The following VGLL3 variants were observed in gnomAD, a reference collection of about 807,000 sequenced individuals.
VGLL3 encodes transcription cofactor vestigial-like protein 3.
A neutral mutation model predicts 29.2 loss-of-function variants in VGLL3; 18 were observed. That is an observed-to-expected ratio of 0.62 (90% CI 0.43 to 0.91). VGLL3 has a LOEUF of 0.91. VGLL3 is among the 40% of genes least tolerant of loss of function. The probability of loss-of-function intolerance (pLI) is 0.00; values close to 1 mark genes in which losing one functional copy is unlikely to be tolerated. For missense variants in VGLL3, 440 were observed against 413.2 expected (o/e 1.06, Z -0.56); for synonymous variants, 180 against 151.8 (o/e 1.19, Z -1.36).
Position 86,938,065 on chromosome 3 carries a change from C to A in VGLL3, c.*8959G>T, listed in dbSNP as rs1045816216. On this transcript the variant is annotated 3_prime_UTR_variant, in exon 4 of 4. Transcript: ENST00000398399. ...TGTCACCCATTGATCCTTGATTAGT[C>A]CTGAAGTTATCAAAGTATGATTTTT... 6.6e-6 allele frequency: 1 copy of A among 152,118 alleles called. No homozygotes were observed. Among genetic ancestry groups the A allele is most frequent in the Non-Finnish European group, 1.5e-5 (1 of 68,020 alleles). The allele number at this position is 152,118 out of a possible 1,614,324, so 9.4% of individuals were successfully genotyped here.
intron 3 of VGLL3, among the ~76,000 whole-genome samples, chr3:86,966,272 T>C (rs1004077946): frequency 6.6e-6 from 1 of 152,104 alleles, no homozygotes; most frequent in Non-Finnish European, 1.5e-5. Context: ...TTCTCTGAAC[T>C]CTAGATTTTC....
intron 1 of VGLL3, 170 bp downstream of exon 1, chr3:86,990,448 T>C: frequency 1.0e-6 from 1 of 978,012 alleles, no homozygotes; most frequent in Non-Finnish European, 1.2e-6. Flanking sequence ...TCCACCCTGC[T>C]GCTCTCCCTT....
At chr3:86,953,291 C>T (rs1704650732) in intron 3 of VGLL3, among the ~76,000 whole-genome samples, 1 of 152,090 alleles carries the variant, frequency 6.6e-6, no homozygotes, top group Non-Finnish European at 1.5e-5. Context: ...GCAGTATTAT[C>T]TTGGAAAACC....
chr3:86,975,059 A>G (rs1007983271), intron 2 of VGLL3, among the ~76,000 whole-genome samples: 3 of 152,204 alleles, frequency 2.0e-5, no homozygotes, highest in Non-Finnish European at 4.4e-5. Context: ...CAATAACTCT[A>G]TGAGATGGGT....
chr3:86,950,490 G>A (rs1298952957), intron 3 of VGLL3, among the ~76,000 whole-genome samples: 1 of 152,130 alleles, frequency 6.6e-6, no homozygotes, highest in African/African-American at 2.4e-5. Context: ...CAATATACGT[G>A]TTCACATTAT....
At chr3:86,969,178 G>T in intron 2 of VGLL3, 55 bp from the exon 3 acceptor site, 1 of 1,509,490 alleles carries the variant, frequency 6.6e-7, no homozygotes, top group Non-Finnish European at 8.8e-7. Context: ...TTTTGGGATA[G>T]ACTTGCCTCT....
chr3:86,965,963 T>A (rs1007971451), intron 3 of VGLL3, among the ~76,000 whole-genome samples: 1 of 152,092 alleles, frequency 6.6e-6, no homozygotes. Context: ...CCTAGAAAAA[T>A]TGACGTACAA....
Position 86,940,932 on chromosome 3 carries a change from T to G in VGLL3, c.*6092A>C, listed in dbSNP as rs550905939. 1 of 152,452 alleles carries G rather than the reference T, an allele frequency of 6.6e-6. No homozygotes were observed. Among genetic ancestry groups the G allele is most frequent in the Non-Finnish European group, 1.5e-5 (1 of 67,928 alleles). 9.4% of individuals were successfully genotyped at this position (152,452 alleles called of 1,614,324 possible). ...ACAAAATTAAGGTAGCACAACTTCT[T>G]GTAGAACTAACAAGTCTGAAAGTTC... is the stretch of plus-strand genomic sequence containing the variant. On this transcript the variant is annotated 3_prime_UTR_variant, in exon 4 of 4. Transcript: ENST00000398399.
rs949850593 is a variant in VGLL3, at chr3:86,938,329, A to G, written c.*8695T>C. On this transcript the variant is annotated 3_prime_UTR_variant, in exon 4 of 4. Transcript: ENST00000398399. Reference sequence around the variant, plus strand: ...TTTCATGTAGCCATTTTCTTTTGGAAACATAAAATACCACAAAACCATACA... The same window carrying G: ...TTTCATGTAGCCATTTTCTTTTGGAGACATAAAATACCACAAAACCATACA... The G allele has an allele frequency of 6.6e-6, 1 of 152,538 alleles. No homozygotes were observed. Among genetic ancestry groups the G allele is most frequent in the Non-Finnish European group, 1.5e-5 (1 of 68,028 alleles). The allele number at this position is 152,538 out of a possible 1,614,324, so 9.4% of individuals were successfully genotyped here. A position where few individuals can be genotyped will look rare whatever the true frequency, so the allele number is the denominator to read the frequency against.
In VGLL3 at chr3:86,938,954, A is replaced by G. The variant is rs1704333736; in HGVS notation, c.*8070T>C. ...TTAAATCCTACTTGGTTGTCCCCAG[A>G]GAAAACACACTTCAGCTAGGAAGAA... On this transcript the variant is annotated 3_prime_UTR_variant, in exon 4 of 4. Coordinates refer to ENST00000398399, the MANE Select transcript of VGLL3 (RefSeq NM_016206.4). 6.6e-6 allele frequency: 1 copy of G among 152,234 alleles called. No homozygotes were observed. Among genetic ancestry groups the G allele is most frequent in the South Asian group, 2.1e-4 (1 of 4,830 alleles). The allele number at this position is 152,234 out of a possible 1,614,324, so 9.4% of individuals were successfully genotyped here. A position where few individuals can be genotyped will look rare whatever the true frequency, so the allele number is the denominator to read the frequency against.
intron 1 of VGLL3, among the ~76,000 whole-genome samples, chr3:86,980,766 A>T (rs1302213341): frequency 6.6e-6 from 1 of 152,048 alleles, no homozygotes. Context: ...ATTTACCTAA[A>T]ACATGTATTG....
Position 86,968,699 on chromosome 3 carries a change from C to T in VGLL3, c.828G>A (p.Gln276=). 6.2e-7 allele frequency: 1 copy of T among 1,614,168 alleles called. No homozygotes were observed. The change falls in exon 3 of 4, where the codon CAG becomes CAA. Residue 276 remains glutamine, a synonymous_variant. Coordinates refer to ENST00000398399, the MANE Select transcript of VGLL3 (RefSeq NM_016206.4). ...SVHAARIPAP[Q]CDITKTEPTT... ...TTGGTTCTGTCTTTGTGATGTCACA[C>T]TGGGGAGCAGGAATCCTGGCCGCAT...
intron 3 of VGLL3, among the ~76,000 whole-genome samples, chr3:86,960,864 A>T (rs1344207254): frequency 6.6e-6 from 1 of 151,248 alleles, no homozygotes. Context: ...ACATCAACAT[A>T]TGTTTACTCC....
At chr3:86,988,508 ACT>A (rs1191792588) in intron 1 of VGLL3, among the ~76,000 whole-genome samples, 1 of 151,112 alleles carries the variant, frequency 6.6e-6, no homozygotes, top group African/African-American at 2.4e-5. Flanking sequence ...TTCCTGATTT[ACT>A]CTCTTTTCCA....
intron 3 of VGLL3, among the ~76,000 whole-genome samples, chr3:86,961,584 T>C (rs1704844692): frequency 6.6e-6 from 1 of 152,152 alleles, no homozygotes. Context: ...TTGTACACGA[T>C]CACAAATATT....
intron 1 of VGLL3, among the ~76,000 whole-genome samples, chr3:86,988,315 A>G (rs1472998897): frequency 6.6e-6 from 1 of 152,030 alleles, no homozygotes; most frequent in Admixed American, 6.6e-5. Context: ...GCAAGATGCT[A>G]TTAGGGGTCA....
At position 86,968,626 on chromosome 3, in the gene VGLL3, T is replaced by C. The variant is rs1273294906; in HGVS notation, c.901A>G (p.Thr301Ala). The C allele has an allele frequency of 1.9e-6, 3 of 1,614,024 alleles. No homozygotes were observed. Among genetic ancestry groups the C allele is most frequent in the African/African-American group, 1.3e-5 (1 of 74,942 alleles). The change falls in exon 3 of 4, where the codon ACA (threonine) becomes GCA (alanine). Residue 301 changes from threonine (T) to alanine (A), a missense_variant. Physicochemically the swap from Thr to Ala is moderately conservative, Grantham distance 58 (BLOSUM62 0). Transcript: ENST00000398399. ...TSAWAGAFHG[T>A]VDIVPSVGFD... is the part of the protein sequence containing the mutation. ...CCCACGCTGGGCACTATGTCTACTG[T>C]TCCATGAAAGGCTCCAGCCCATGCT...
intron 3 of VGLL3, among the ~76,000 whole-genome samples, chr3:86,965,485 T>C (rs1416219361): frequency 6.6e-6 from 1 of 152,158 alleles, no homozygotes. Context: ...GGTCCTACTA[T>C]GCAGAAACTT....
At position 86,946,298 on chromosome 3, in the gene VGLL3, C is replaced by T. The variant is rs995737532; in HGVS notation, c.*726G>A. Reference sequence around the variant, plus strand: ...GCACAGTCATTAAAAAAAAACTTTTCAAGCTATACATATAATTCAAAACTA... The same window carrying T: ...GCACAGTCATTAAAAAAAAACTTTTTAAGCTATACATATAATTCAAAACTA... On this transcript the variant is annotated 3_prime_UTR_variant, in exon 4 of 4. Coordinates refer to ENST00000398399, the MANE Select transcript of VGLL3 (RefSeq NM_016206.4). 37 of 152,084 alleles carry T rather than the reference C, an allele frequency of 2.4e-4. No homozygotes were observed. The highest frequency in any genetic ancestry group is 8.7e-4 in the African/African-American group (36 of 41,492). 9.4% of individuals were successfully genotyped at this position (152,084 alleles called of 1,614,324 possible). A position where few individuals can be genotyped will look rare whatever the true frequency, so the allele number is the denominator to read the frequency against.
Sources: allele counts gnomAD v4.1 joint callset (sites outside exome capture counted in the v4.1 genomes callset), GRCh38; gene constraint gnomAD v4.1.1; transcripts MANE v1.5; gene names NCBI Gene and HGNC (gene_info 2026-07-23, HGNC 2026-07-21).